The following NOC3L variants were observed in gnomAD, a reference collection of about 807,000 sequenced individuals.
The protein encoded by NOC3L is NOC3 like DNA replication regulator.
In NOC3L, 85 loss-of-function variants were observed where a neutral mutation model predicts 102.5. The ratio of observed to expected loss-of-function variants is 0.83; its 90% CI spans 0.70 to 0.99. NOC3L has a LOEUF of 0.99. NOC3L is among the 50% of genes least tolerant of loss of function. The pLI is 0.00. For missense variants in NOC3L, 878 were observed against 914.9 expected, an observed-to-expected ratio of 0.96 and a Z score of 0.52; for synonymous variants, 303 against 309.4, an observed-to-expected ratio of 0.98 and a Z score of 0.22.
chr10:94,324,495 G>C, the NOC3L span: 2 of 1,614,180 alleles, frequency 1.2e-6, no homozygotes, highest in South Asian at 2.2e-5. Flanking sequence ...TGGATCAGGA[G>C]TGTGTGTTTC....
intron 10 of NOC3L, among the ~76,000 whole-genome samples, chr10:94,346,839 T>C (rs980473220): frequency 1.3e-5 from 2 of 152,070 alleles, no homozygotes; most frequent in African/African-American, 2.4e-5. Context: ...AGAGAACACA[T>C]GCCAACAGGA....
intron 2 of NOC3L, 168 bp downstream of exon 2, chr10:94,361,497 T>A: frequency 1.7e-6 from 1 of 604,926 alleles, no homozygotes; most frequent in Non-Finnish European, 2.9e-6. Flanking sequence ...ATACTGACTG[T>A]GATAAAGCAT....
intron 17 of NOC3L, 48 bp from the exon 18 acceptor site, chr10:94,338,784 T>C (rs757371846): frequency 4.5e-6 from 7 of 1,554,482 alleles, no homozygotes; most frequent in African/African-American, 1.4e-5. Flanking sequence ...ACATTGTTAA[T>C]ATAAGAGGTG....
At chr10:94,352,473 A>G in intron 7 of NOC3L, 70 bp from the exon 8 acceptor site, 4 of 1,031,808 alleles carry the variant, frequency 3.9e-6, no homozygotes, top group Non-Finnish European at 6.0e-6. Flanking sequence ...AGTATAAAAT[A>G]TGTGTGTCTA....
At chr10:94,316,842 A>AT in the NOC3L span, 1 of 945,120 alleles carries the variant, frequency 1.1e-6, no homozygotes. Flanking sequence ...GAAATTCAGA[A>AT]TTTCTTGTAA....
the NOC3L span, among the ~76,000 whole-genome samples, chr10:94,323,780 A>G: frequency 6.6e-6 from 1 of 152,232 alleles, no homozygotes; most frequent in Non-Finnish European, 1.5e-5. Flanking sequence ...TGTCTCCCCT[A>G]AAAGTACAGC....
chr10:94,322,357 T>C, the NOC3L span, among the ~76,000 whole-genome samples: 1 of 150,164 alleles, frequency 6.7e-6, no homozygotes, highest in African/African-American at 2.5e-5. Flanking sequence ...TGTCTCTAAT[T>C]GAAAAAAAAA....
the NOC3L span, among the ~76,000 whole-genome samples, chr10:94,321,340 A>T: frequency 6.6e-6 from 1 of 152,208 alleles, no homozygotes; most frequent in Admixed American, 6.5e-5. Flanking sequence ...GGACTCTCAA[A>T]ATCCACAGCT....
the NOC3L span, chr10:94,328,160 G>A: frequency 3.3e-6 from 1 of 299,030 alleles, no homozygotes; most frequent in Non-Finnish European, 7.2e-6. Context: ...AAGCCCAGGG[G>A]ACTGCCATTT....
intron 13 of NOC3L, among the ~76,000 whole-genome samples, chr10:94,342,585 C>CACAG (rs1564911275): frequency 6.6e-6 from 1 of 150,930 alleles, no homozygotes; most frequent in African/African-American, 2.4e-5. Context: ...CACACACACA[C>CACAG]GTGCGCAAGT....
intron 20 of NOC3L, 55 bp from the exon 21 acceptor site, chr10:94,334,360 C>A (rs1362804127): frequency 6.0e-6 from 7 of 1,173,504 alleles, no homozygotes; most frequent in Non-Finnish European, 8.6e-6. Flanking sequence ...AAGCTAAAGC[C>A]AACCTGTGAA....
chr10:94,330,130 G>A (rs1264599996), downstream of NOC3L: 6 of 151,116 alleles, frequency 4.0e-5, no homozygotes, highest in East Asian at 1.9e-4. Flanking sequence ...GAAAAGACTC[G>A]TCTCTTTAGG....
the NOC3L span, among the ~76,000 whole-genome samples, chr10:94,327,401 C>G: frequency 6.6e-6 from 1 of 151,974 alleles, no homozygotes; most frequent in Non-Finnish European, 1.5e-5. Flanking sequence ...TCGAGACCAG[C>G]CTGGCCAACA....
chr10:94,316,470 C>A, the NOC3L span: 1 of 896,562 alleles, frequency 1.1e-6, no homozygotes, highest in Non-Finnish European at 1.9e-6. Flanking sequence ...GCATAGCAAA[C>A]CTATCTGAAC....
Position 94,338,680 on chromosome 10 carries a change from G to C in NOC3L, c.2019C>G (p.Phe673Leu). 1 of 1,613,354 alleles carries C rather than the reference G, an allele frequency of 6.2e-7. No homozygotes were observed. ...LDSESQGSGV[F>L]LPELDEPEYC... ...ACTCAGGCTCATCCAGTTCAGGAAG[G>C]AAAACTCCACTTCCCTGAGATTCAC... The change falls in exon 18 of 21, where the codon TTC (phenylalanine) becomes TTG (leucine). Residue 673 changes from phenylalanine (F) to leucine (L), a missense_variant. Physicochemically the swap from Phe to Leu is conservative, Grantham distance 22. Coordinates refer to ENST00000371361, the MANE Select transcript of NOC3L (RefSeq NM_022451.11).
chr10:94,326,988 G>A, the NOC3L span, among the ~76,000 whole-genome samples: 12 of 151,270 alleles, frequency 7.9e-5, no homozygotes, highest in East Asian at 4.0e-4. Context: ...GTGAAACCCC[G>A]TCTCTACTAA....
At chr10:94,325,015 C>A in the NOC3L span, 1 of 1,614,152 alleles carries the variant, frequency 6.2e-7, no homozygotes, top group South Asian at 1.1e-5. Flanking sequence ...AGAAAGTATC[C>A]AAACCAAGGA....
chr10:94,352,291 G>C lies in NOC3L; in HGVS notation c.952+19C>G. ...CAAGGCTAAGTATGTTACAAACTTT[G>C]AAGATATGTTTAATATACCTTTAAC... On this transcript the variant is annotated intron_variant, in intron 8 of 20. Coordinates refer to ENST00000371361, the MANE Select transcript of NOC3L (RefSeq NM_022451.11). 6.7e-7 allele frequency: 1 copy of C among 1,500,696 alleles called. No homozygotes were observed. Among genetic ancestry groups the C allele is most frequent in the East Asian group, 2.3e-5 (1 of 44,346 alleles). The allele number at this position is 1,500,696 out of a possible 1,614,324, so 93.0% of individuals were successfully genotyped here. A position where few individuals can be genotyped will look rare whatever the true frequency, so the allele number is the denominator to read the frequency against.
chr10:94,344,965 A>G (rs1164424999), intron 11 of NOC3L, 32 bp from the exon 12 acceptor site: 1 of 1,495,194 alleles, frequency 6.7e-7, no homozygotes, highest in Non-Finnish European at 9.2e-7. Context: ...AAAATCTAAG[A>G]GCATATACCA....
Sources: allele counts gnomAD v4.1 joint callset (sites outside exome capture counted in the v4.1 genomes callset), GRCh38; gene constraint gnomAD v4.1.1; transcripts MANE v1.5; gene names NCBI Gene and HGNC (gene_info 2026-07-23, HGNC 2026-07-21).